FAM135B: variants seen among roughly 807,000 people sequenced by gnomAD.
The protein encoded by FAM135B is protein FAM135B.
Under a neutral mutation model 127.7 loss-of-function variants are expected in FAM135B, and 43 were observed. That is an observed-to-expected ratio of 0.34 (90% CI 0.26 to 0.43). FAM135B has a LOEUF of 0.43. Ranked by LOEUF, FAM135B falls within the 20% of genes least tolerant of loss-of-function variation. The probability of loss-of-function intolerance (pLI) is 1.00; values close to 1 mark genes in which losing one functional copy is unlikely to be tolerated. For missense variants in FAM135B, 1,558 were observed against 1,725.6 expected (o/e 0.90, Z 1.72); for synonymous variants, 670 against 665.1 (o/e 1.01, Z -0.11).
At chr8:138,203,416 C>G (rs548207303) in intron 7 of FAM135B, among the ~76,000 whole-genome samples, 1 of 152,186 alleles carries the variant, frequency 6.6e-6, no homozygotes, top group Non-Finnish European at 1.5e-5. Context: ...CCTGTCAGAA[C>G]GTCTTGATGG....
At chr8:138,273,651 C>A (rs1823571875) in intron 3 of FAM135B, among the ~76,000 whole-genome samples, 1 of 152,160 alleles carries the variant, frequency 6.6e-6, no homozygotes, top group Non-Finnish European at 1.5e-5. Context: ...GGCCTTAGTT[C>A]TTTTACAGGC....
chr8:138,360,898 T>C (rs1830380531), intron 2 of FAM135B, among the ~76,000 whole-genome samples: 4 of 150,416 alleles, frequency 2.7e-5, no homozygotes, highest in African/African-American at 9.8e-5. Context: ...TCAGTAGGTC[T>C]GAGACCAGGG....
chr8:138,260,193 T>C (rs1165866326), intron 4 of FAM135B, among the ~76,000 whole-genome samples: 1 of 152,228 alleles, frequency 6.6e-6, no homozygotes, highest in Non-Finnish European at 1.5e-5. Flanking sequence ...CTTTAATCTT[T>C]ACCCTCTAGT....
At chr8:138,264,004 T>C (rs1822730364) in intron 4 of FAM135B, among the ~76,000 whole-genome samples, 1 of 152,176 alleles carries the variant, frequency 6.6e-6, no homozygotes, top group African/African-American at 2.4e-5. Context: ...AAGCCCTAAA[T>C]TCCCTATCAT....
intron 1 of FAM135B, among the ~76,000 whole-genome samples, chr8:138,425,169 G>T (rs892081181): frequency 1.1e-4 from 16 of 152,130 alleles, no homozygotes; most frequent in Admixed American, 9.8e-4. Flanking sequence ...CATTGAGTGG[G>T]TGTTCACTTG....
chr8:138,460,954 C>T (rs1469791959), intron 1 of FAM135B, among the ~76,000 whole-genome samples: 1 of 152,192 alleles, frequency 6.6e-6, no homozygotes, highest in African/African-American at 2.4e-5. Flanking sequence ...CGGGGCCTGG[C>T]ATCATACAGC....
chr8:138,203,289 T>A (rs749987677), intron 7 of FAM135B, among the ~76,000 whole-genome samples: 1 of 152,090 alleles, frequency 6.6e-6, no homozygotes. Flanking sequence ...CCATCTTACA[T>A]GGAGCTCACT....
intron 14 of FAM135B, 137 bp from the exon 15 acceptor site, chr8:138,146,187 A>T: frequency 1.7e-6 from 1 of 579,848 alleles, no homozygotes; most frequent in East Asian, 2.8e-5. Context: ...AGATAATATA[A>T]ACAACTAAAA....
chr8:138,445,799 G>T (rs560909616), intron 1 of FAM135B, among the ~76,000 whole-genome samples: 34 of 152,256 alleles, frequency 2.2e-4, no homozygotes, highest in African/African-American at 7.9e-4. Flanking sequence ...GGAAGTTCTG[G>T]CCAGGACAAT....
At chr8:138,182,814 G>A (rs1180975679) in intron 9 of FAM135B, among the ~76,000 whole-genome samples, 7 of 152,188 alleles carry the variant, frequency 4.6e-5, no homozygotes, top group Admixed American at 3.3e-4. Context: ...GTTGCCCATC[G>A]GAATCACTAG....
intron 1 of FAM135B, among the ~76,000 whole-genome samples, chr8:138,432,816 A>G (rs890581306): frequency 6.6e-6 from 1 of 152,148 alleles, no homozygotes; most frequent in African/African-American, 2.4e-5. Flanking sequence ...ATATACATCA[A>G]ATTAGACACA....
rs139874184 is a variant in FAM135B, at chr8:138,314,604, C to T, written c.78-3684G>A. Among the ~76,000 whole-genome samples, 504 of 151,828 alleles carry T rather than the reference C, an allele frequency of 3.3e-3. 1 individual carries two copies. The highest frequency in any genetic ancestry group is 0.012 in the African/African-American group (484 of 41,348). ...TAAAATGCCAGGTCAGGAGTGGTGGCTCATGCCTGTAATCCCAGCACTTTC... is the reference window on the plus strand; with the variant it reads ...TAAAATGCCAGGTCAGGAGTGGTGGTTCATGCCTGTAATCCCAGCACTTTC... On this transcript the variant is annotated intron_variant, in intron 2 of 19. Transcript: ENST00000395297.
intron 2 of FAM135B, among the ~76,000 whole-genome samples, chr8:138,341,101 A>G (rs761077568): frequency 3.3e-5 from 5 of 152,206 alleles, no homozygotes; most frequent in Non-Finnish European, 5.9e-5. Flanking sequence ...ACTCACACAG[A>G]TTTTGCATAC....
Position 138,442,236 on chromosome 8 carries a change from CCA to C in FAM135B, c.-20+54433_-20+54434del, listed in dbSNP as rs1491428082. On this transcript the variant is annotated intron_variant, in intron 1 of 19. Transcript: ENST00000395297. Reference sequence around the variant, plus strand: ...AAATTTAACGTGAAGAATATGGACACCATATATATATATATATATATATATAT... The same window carrying C: ...AAATTTAACGTGAAGAATATGGACACTATATATATATATATATATATATAT... 3.2e-3 allele frequency among the ~76,000 whole-genome samples: 42 copies of C among 13,132 alleles called. 7 individuals are homozygous for C. The highest frequency in any genetic ancestry group is 8.3e-3 in the South Asian group (2 of 242). The allele number at this position is 13,132 out of a possible 152,430, so 8.6% of individuals were successfully genotyped here. A position where few individuals can be genotyped will look rare whatever the true frequency, so the allele number is the denominator to read the frequency against.
At chr8:138,159,443 T>G (rs1819134289) in intron 12 of FAM135B, among the ~76,000 whole-genome samples, 1 of 151,230 alleles carries the variant, frequency 6.6e-6, no homozygotes, top group Non-Finnish European at 1.5e-5. Context: ...GATGAATTCA[T>G]GTCCTTTGTA....
intron 9 of FAM135B, among the ~76,000 whole-genome samples, chr8:138,186,145 C>T (rs1815549874): frequency 6.6e-6 from 1 of 152,196 alleles, no homozygotes; most frequent in Non-Finnish European, 1.5e-5. Context: ...AAGGTGCCCG[C>T]TCCTCCTTGC....
chr8:138,165,026 A>G (rs7814738), intron 12 of FAM135B, among the ~76,000 whole-genome samples: 112,217 of 152,056 alleles, frequency 0.74, 42,208 homozygotes, highest in East Asian at 0.98. Flanking sequence ...GAAAGGAGTG[A>G]GCAGAGAAGC....
chr8:138,414,568 T>G (rs770563873), intron 1 of FAM135B, among the ~76,000 whole-genome samples: 3 of 152,190 alleles, frequency 2.0e-5, no homozygotes, highest in Admixed American at 6.6e-5. Context: ...ATGAGTAAGA[T>G]TTTAATTTAA....
At chr8:138,305,435 A>T (rs1826173452) in intron 3 of FAM135B, among the ~76,000 whole-genome samples, 1 of 152,244 alleles carries the variant, frequency 6.6e-6, no homozygotes, top group South Asian at 2.1e-4. Context: ...TATATTAAAT[A>T]GCAACATTTT....
Sources: allele counts gnomAD v4.1 joint callset (sites outside exome capture counted in the v4.1 genomes callset), GRCh38; gene constraint gnomAD v4.1.1; transcripts MANE v1.5; gene names NCBI Gene and HGNC (gene_info 2026-07-23, HGNC 2026-07-21).